Variants in IGSF11 observed in about 807,000 individuals in gnomAD.
The protein encoded by IGSF11 is CXADR like 1.
A neutral mutation model predicts 41.0 loss-of-function variants in IGSF11; 22 were observed. The observed-to-expected ratio is 0.54, with a 90% CI of 0.38 to 0.77. The LOEUF (loss-of-function observed/expected upper bound fraction) is 0.77. IGSF11 is among the 30% of genes least tolerant of loss of function. The pLI is 0.00. For synonymous variants in IGSF11, 219 were observed against 201.3 expected, an observed-to-expected ratio of 1.09 and a Z score of -0.74; for missense variants, 444 against 530.8, an observed-to-expected ratio of 0.84 and a Z score of 1.61.
At position 118,950,087 on chromosome 3, in the gene IGSF11, T is replaced by C. The variant is rs1381802269; in HGVS notation, c.53-19812A>G. ...ATATTTATTGAGTCAGGAATGGAAGTATAAATTTTTACTTCCCATTAACCA... is the reference window on the plus strand; with the variant it reads ...ATATTTATTGAGTCAGGAATGGAAGCATAAATTTTTACTTCCCATTAACCA... On this transcript the variant is annotated intron_variant, in intron 1 of 6. Coordinates refer to ENST00000393775, the MANE Select transcript of IGSF11 (RefSeq NM_001015887.3). Among the ~76,000 whole-genome samples, 4 of 152,188 alleles carry C rather than the reference T, an allele frequency of 2.6e-5. No individual in the cohort carries two copies. In the East Asian group the frequency reaches 7.7e-4, roughly 29 times the overall value.
At chr3:118,960,024 G>A (rs1446382581) in intron 1 of IGSF11, among the ~76,000 whole-genome samples, 3 of 145,030 alleles carry the variant, frequency 2.1e-5, no homozygotes, top group African/African-American at 7.7e-5. Context: ...CAGCCTGGGT[G>A]ACACAGCGAG....
In IGSF11 at chr3:118,902,345, T is replaced by C. The variant is rs1938964438; in HGVS notation, c.*175A>G. 1.7e-6 allele frequency: 1 copy of C among 575,624 alleles called. No individual in the cohort carries two copies. Among genetic ancestry groups the C allele is most frequent in the East Asian group, 2.8e-5 (1 of 35,170 alleles). 35.7% of individuals were successfully genotyped at this position (575,624 alleles called of 1,614,324 possible). A position where few individuals can be genotyped will look rare whatever the true frequency, so the allele number is the denominator to read the frequency against. ...GGAAGCAAGTCTTCATGATGGAGCA[T>C]TTCAGTCCATTTTACACATCTTAGT... On this transcript the variant is annotated 3_prime_UTR_variant, in exon 7 of 7. Coordinates refer to ENST00000393775, the MANE Select transcript of IGSF11 (RefSeq NM_001015887.3).
chr3:118,942,426 A>C (rs1943769637), intron 1 of IGSF11, among the ~76,000 whole-genome samples: 1 of 152,194 alleles, frequency 6.6e-6, no homozygotes, highest in African/African-American at 2.4e-5. Context: ...CTAGCAATAG[A>C]AGCTCAACAT....
chr3:119,061,434 C>T (rs1481916910), intron 1 of IGSF11, among the ~76,000 whole-genome samples: 22 of 152,164 alleles, frequency 1.4e-4, no homozygotes, highest in Admixed American at 6.6e-5. Flanking sequence ...AACCTGGAAG[C>T]ATAGGGGCCA....
At chr3:118,974,393 A>T (rs185156354) in intron 1 of IGSF11, among the ~76,000 whole-genome samples, 207 of 152,356 alleles carry the variant, frequency 1.4e-3, no homozygotes, top group African/African-American at 4.7e-3. Flanking sequence ...GTTCAGTATT[A>T]GCAATGAGAA....
chr3:119,116,488 C>CTGCAA (rs1163576419), intron 1 of IGSF11, among the ~76,000 whole-genome samples: 5 of 152,238 alleles, frequency 3.3e-5, no homozygotes, highest in African/African-American at 4.8e-5. Flanking sequence ...GAAATTATAT[C>CTGCAA]AGTGAAAAAA....
chr3:118,950,431 C>A (rs1342733421), intron 1 of IGSF11, among the ~76,000 whole-genome samples: 1 of 152,004 alleles, frequency 6.6e-6, no homozygotes, highest in Non-Finnish European at 1.5e-5. Context: ...CGACGAGATA[C>A]AACAGTATTA....
At position 118,914,115 on chromosome 3, in the gene IGSF11, A is replaced by G. The variant is rs72966869; in HGVS notation, c.581-8397T>C. On this transcript the variant is annotated intron_variant, in intron 4 of 6. Transcript: ENST00000393775. ...TATGCATTTGAGAACTTTAAGAATA[A>G]GCACGAAGAGAAATACACTTATAAC... Among the ~76,000 whole-genome samples, 762 of 152,336 alleles carry G rather than the reference A, an allele frequency of 5.0e-3. 5 individuals are homozygous for G. The highest frequency in any genetic ancestry group is 0.017 in the African/African-American group (717 of 41,580).
At chr3:119,034,893 C>G (rs1940802466), upstream of IGSF11, 1 of 1,088,362 alleles carries the variant, frequency 9.2e-7, no homozygotes, top group African/African-American at 1.6e-5. Flanking sequence ...CCAACTCACG[C>G]CCCGCTACTC....
intron 1 of IGSF11, among the ~76,000 whole-genome samples, chr3:118,959,574 T>C (rs1945191395): frequency 6.6e-6 from 1 of 152,182 alleles, no homozygotes; most frequent in Admixed American, 6.5e-5. Context: ...GTTGTCACTG[T>C]TGAATTCACA....
intron 1 of IGSF11, among the ~76,000 whole-genome samples, chr3:119,117,682 C>G (rs191237254): frequency 3.7e-4 from 57 of 152,306 alleles, no homozygotes; most frequent in Admixed American, 3.7e-3. Flanking sequence ...AGTCTTAACT[C>G]ATTTCAGCAT....
intron 1 of IGSF11, among the ~76,000 whole-genome samples, chr3:119,144,681 C>A (rs2077695630): frequency 6.6e-6 from 1 of 151,978 alleles, no homozygotes; most frequent in African/African-American, 2.4e-5. Flanking sequence ...TATAAAACAG[C>A]TACATTTAAA....
rs553692563 is a variant in IGSF11, at chr3:119,084,798, G to A, written c.49+20346C>T. Among the ~76,000 whole-genome samples the A allele has an allele frequency of 4.9e-4, 75 of 152,320 alleles. 1 individual carries two copies. Among genetic ancestry groups the A allele is most frequent in the Non-Finnish European group, 1.8e-4 (12 of 68,020 alleles). On this transcript the variant is annotated intron_variant, in intron 1 of 6. Coordinates refer to the IGSF11 transcript ENST00000354673. ...TATCTCTCAGTGCACCCAGAACCCA[G>A]TCCTGAGGACCTGGAGGAGGGAGCC...
chr3:118,960,921 A>T (rs1432852915), intron 1 of IGSF11, among the ~76,000 whole-genome samples: 1 of 152,238 alleles, frequency 6.6e-6, no homozygotes, highest in Admixed American at 6.5e-5. Context: ...CTTGCTAATC[A>T]GCAATATTTC....
chr3:119,110,989 G>C (rs1413351413), intron 1 of IGSF11, among the ~76,000 whole-genome samples: 2 of 151,660 alleles, frequency 1.3e-5, no homozygotes, highest in African/African-American at 4.8e-5. Flanking sequence ...TCCCTTTGTG[G>C]GTAACCCGAC....
At chr3:119,027,236 T>C (rs968766277) in intron 1 of IGSF11, among the ~76,000 whole-genome samples, 1 of 152,182 alleles carries the variant, frequency 6.6e-6, no homozygotes, top group Non-Finnish European at 1.5e-5. Flanking sequence ...AAGTAGGAAA[T>C]GTTCACTGAT....
intron 1 of IGSF11, among the ~76,000 whole-genome samples, chr3:118,989,699 A>T (rs1364282396): frequency 6.6e-6 from 1 of 152,180 alleles, no homozygotes; most frequent in East Asian, 1.9e-4. Context: ...TGAAGCTAAC[A>T]ATTTTTTAAA....
intron 1 of IGSF11, among the ~76,000 whole-genome samples, chr3:119,088,552 G>A (rs1037334341): frequency 2.0e-5 from 3 of 151,916 alleles, no homozygotes; most frequent in East Asian, 3.9e-4. Flanking sequence ...AATGAAACAG[G>A]ACAAACCAAC....
chr3:119,145,962 C>A, exon 1 of IGSF11: 1 of 490,754 alleles, frequency 2.0e-6, no homozygotes, highest in Non-Finnish European at 3.6e-6. Flanking sequence ...GAGAATCGCC[C>A]CTTCTCAGGA....
Sources: allele counts gnomAD v4.1 joint callset (sites outside exome capture counted in the v4.1 genomes callset), GRCh38; gene constraint gnomAD v4.1.1; transcripts MANE v1.5; gene names NCBI Gene and HGNC (gene_info 2026-07-23, HGNC 2026-07-21).